The following CADM2 variants were observed in gnomAD, a reference collection of about 807,000 sequenced individuals.
CADM2 encodes the protein cell adhesion molecule 2.
A neutral mutation model predicts 49.8 loss-of-function variants in CADM2; 12 were observed. The observed-to-expected ratio is 0.24, with a 90% CI of 0.15 to 0.39. The LOEUF (loss-of-function observed/expected upper bound fraction) is 0.39, where lower values mean the gene tolerates loss of function less well. Ranked by LOEUF, CADM2 falls within the 10% of genes least tolerant of loss-of-function variation. The pLI is 1.00. For synonymous variants in CADM2, 214 were observed against 175.4 expected (o/e 1.22, Z -1.74); for missense variants, 378 against 492.3 (o/e 0.77, Z 2.20).
chr3:85,932,131 G>T (rs1486212354), intron 6 of CADM2, among the ~76,000 whole-genome samples: 2 of 151,468 alleles, frequency 1.3e-5, no homozygotes, highest in Non-Finnish European at 2.9e-5. Flanking sequence ...CTATGAAAAA[G>T]TAGTGAATTA....
At chr3:85,120,147 C>G (rs545974818) in intron 1 of CADM2, among the ~76,000 whole-genome samples, 1 of 152,130 alleles carries the variant, frequency 6.6e-6, no homozygotes, top group Non-Finnish European at 1.5e-5. Flanking sequence ...TATCATCTCA[C>G]GCCAGTTAGA....
At chr3:85,626,258 T>C (rs2064128017) in intron 1 of CADM2, among the ~76,000 whole-genome samples, 1 of 152,006 alleles carries the variant, frequency 6.6e-6, no homozygotes, top group African/African-American at 2.4e-5. Context: ...GCTCAATAAT[T>C]ACAAACATCC....
At chr3:85,992,274 A>T (rs1023265776) in intron 8 of CADM2, 1 of 152,082 alleles carries the variant, frequency 6.6e-6, no homozygotes, top group South Asian at 2.1e-4. Context: ...CATGCTTTTT[A>T]TCATTTATGT....
chr3:85,076,310 T>TGTGTGTGTGG (rs2036940356), intron 1 of CADM2, among the ~76,000 whole-genome samples: 1 of 150,184 alleles, frequency 6.7e-6, no homozygotes, highest in Non-Finnish European at 1.5e-5. Flanking sequence ...AAATTGTGTG[T>TGTGTGTGTGG]GTGTGTGTGT....
At chr3:85,043,954 C>A (rs2035548922) in intron 1 of CADM2, among the ~76,000 whole-genome samples, 2 of 152,130 alleles carry the variant, frequency 1.3e-5, no homozygotes, top group South Asian at 4.1e-4. Context: ...TTCTCCCCAA[C>A]ATTATGTCAT....
intron 2 of CADM2, among the ~76,000 whole-genome samples, chr3:85,766,471 A>C (rs879703545): frequency 6.6e-6 from 1 of 152,182 alleles, no homozygotes; most frequent in Non-Finnish European, 1.5e-5. Flanking sequence ...CTAAAGAATA[A>C]TATTCTGCTC....
intron 8 of CADM2, among the ~76,000 whole-genome samples, chr3:86,034,076 A>G (rs1734874452): frequency 6.6e-6 from 1 of 151,776 alleles, no homozygotes; most frequent in Non-Finnish European, 1.5e-5. Flanking sequence ...TTCCGTTTAC[A>G]GAGATTAAAA....
intron 1 of CADM2, among the ~76,000 whole-genome samples, chr3:85,268,459 C>G (rs1196479377): frequency 1.3e-5 from 2 of 151,130 alleles, no homozygotes; most frequent in African/African-American, 2.4e-5. Context: ...ATTAATAATT[C>G]CTGACAATCA....
At chr3:85,359,663 TATA>T (rs1268469218) in intron 1 of CADM2, among the ~76,000 whole-genome samples, 612 of 22,178 alleles carry the variant, frequency 0.028, 72 homozygotes, top group African/African-American at 0.054. Flanking sequence ...TATATATATA[TATA>T]TTTTTTTTTT....
intron 7 of CADM2, among the ~76,000 whole-genome samples, chr3:85,955,638 G>A (rs960699694): frequency 6.6e-6 from 1 of 151,372 alleles, no homozygotes; most frequent in Non-Finnish European, 1.5e-5. Flanking sequence ...ACAAATTAAA[G>A]AATTTCACTG....
chr3:85,072,700 C>A (rs905361755), intron 1 of CADM2, among the ~76,000 whole-genome samples: 1 of 151,850 alleles, frequency 6.6e-6, no homozygotes, highest in Non-Finnish European at 1.5e-5. Flanking sequence ...AACCATCTAC[C>A]GTCTTTTCTT....
At chr3:85,435,523 T>C (rs2036885820) in intron 1 of CADM2, among the ~76,000 whole-genome samples, 1 of 152,196 alleles carries the variant, frequency 6.6e-6, no homozygotes, top group African/African-American at 2.4e-5. Context: ...ATCCTTTGGG[T>C]ATATACCCAG....
chr3:85,109,586 T>C (rs771793037), intron 1 of CADM2, among the ~76,000 whole-genome samples: 19 of 152,030 alleles, frequency 1.2e-4, no homozygotes, highest in Non-Finnish European at 2.5e-4. Context: ...ATGGAAACAA[T>C]AGCATCATTT....
At chr3:85,112,439 A>G (rs1369741238) in intron 1 of CADM2, among the ~76,000 whole-genome samples, 8 of 151,722 alleles carry the variant, frequency 5.3e-5, no homozygotes, top group African/African-American at 1.9e-4. Context: ...AAAATCATAA[A>G]GTGTTAAAGA....
In CADM2 at chr3:85,720,258, T is replaced by C. The variant is rs578032493; in HGVS notation, c.62-6264T>C. Among the ~76,000 whole-genome samples, 79 of 152,302 alleles carry C rather than the reference T, an allele frequency of 5.2e-4. 1 individual carries two copies. The highest frequency in any genetic ancestry group is 1.0e-3 in the African/African-American group (42 of 41,572). Reference sequence around the variant, plus strand: ...ACTTTGGAAGTTCAATGTAGAGACATAGTGCTATCCAGTTTTCATTATTTT... The same window carrying C: ...ACTTTGGAAGTTCAATGTAGAGACACAGTGCTATCCAGTTTTCATTATTTT... On this transcript the variant is annotated intron_variant, in intron 1 of 9. Transcript: ENST00000383699.
At chr3:85,208,875 C>T (rs1298494072) in intron 1 of CADM2, among the ~76,000 whole-genome samples, 2 of 152,074 alleles carry the variant, frequency 1.3e-5, no homozygotes, top group Non-Finnish European at 2.9e-5. Context: ...TGATGTCACT[C>T]CAGATAAGAA....
intron 1 of CADM2, among the ~76,000 whole-genome samples, chr3:85,488,388 T>G (rs1197366517): frequency 6.6e-6 from 1 of 152,156 alleles, no homozygotes; most frequent in African/African-American, 2.4e-5. Context: ...TGAAACCTAT[T>G]AAGATCCACT....
intron 1 of CADM2, among the ~76,000 whole-genome samples, chr3:85,275,688 C>T (rs949770796): frequency 4.6e-5 from 7 of 151,128 alleles, no homozygotes; most frequent in African/African-American, 1.7e-4. Context: ...TCTTTTAATA[C>T]ATGTATTTGC....
intron 3 of CADM2, among the ~76,000 whole-genome samples, chr3:85,830,109 A>G (rs78912277): frequency 0.016 from 2,475 of 152,008 alleles, 59 homozygotes; most frequent in African/African-American, 0.056. Flanking sequence ...ATTTTCCATA[A>G]TGGCTTTACC....
Sources: allele counts gnomAD v4.1 joint callset (sites outside exome capture counted in the v4.1 genomes callset), GRCh38; gene constraint gnomAD v4.1.1; transcripts MANE v1.5; gene names NCBI Gene and HGNC (gene_info 2026-07-23, HGNC 2026-07-21).